HIVEP3: variants seen among roughly 807,000 people sequenced by gnomAD.
HIVEP3 encodes the protein HIVEP zinc finger 3, also known as transcription factor HIVEP3.
A neutral mutation model predicts 152.8 loss-of-function variants in HIVEP3; 49 were observed. That is an observed-to-expected ratio of 0.32 (90% CI 0.26 to 0.41). HIVEP3 has a LOEUF of 0.41. Among genes scored for constraint, HIVEP3 ranks in the 10% least tolerant of loss-of-function variants. HIVEP3 has a pLI of 1.00. For missense variants in HIVEP3, 2,790 were observed against 3,103.3 expected, an observed-to-expected ratio of 0.90 and a Z score of 2.40; for synonymous variants, 1,269 against 1,289.0, an observed-to-expected ratio of 0.98 and a Z score of 0.33.
intron 1 of HIVEP3, among the ~76,000 whole-genome samples, chr1:42,000,192 C>T (rs2124523187): frequency 6.6e-6 from 1 of 152,280 alleles, no homozygotes; most frequent in East Asian, 1.9e-4. Flanking sequence ...TCTTTCCTAC[C>T]ATAGATACTC....
intron 1 of HIVEP3, among the ~76,000 whole-genome samples, chr1:41,725,301 C>T (rs146259829): frequency 6.6e-6 from 1 of 152,328 alleles, no homozygotes; most frequent in Non-Finnish European, 1.5e-5. Context: ...TCTCCTCACT[C>T]CTGCCACAAG....
At chr1:41,665,605 G>A (rs1222198838) in intron 2 of HIVEP3, among the ~76,000 whole-genome samples, 1 of 149,964 alleles carries the variant, frequency 6.7e-6, no homozygotes, top group East Asian at 1.9e-4. Context: ...ATACAAGATG[G>A]AAAGATAAGA....
intron 1 of HIVEP3, among the ~76,000 whole-genome samples, chr1:41,957,190 A>G (rs1303553188): frequency 1.3e-5 from 2 of 151,260 alleles, no homozygotes; most frequent in East Asian, 3.9e-4. Context: ...AACAAAAGTT[A>G]AAAGAACTGT....
At chr1:41,777,331 G>A (rs924236200) in intron 1 of HIVEP3, among the ~76,000 whole-genome samples, 8 of 152,290 alleles carry the variant, frequency 5.3e-5, no homozygotes, top group East Asian at 3.9e-4. Context: ...CAGCTGTTCC[G>A]GCCACGCAGC....
intron 1 of HIVEP3, among the ~76,000 whole-genome samples, chr1:41,827,221 A>G (rs1190376466): frequency 6.6e-6 from 1 of 152,204 alleles, no homozygotes; most frequent in Non-Finnish European, 1.5e-5. Context: ...GTTCCACCAC[A>G]AATCTCCATT....
chr1:41,978,819 T>C (rs2124508765), intron 1 of HIVEP3, among the ~76,000 whole-genome samples: 1 of 152,144 alleles, frequency 6.6e-6, no homozygotes, highest in East Asian at 1.9e-4. Context: ...TGGGGACAAG[T>C]AGAGTTTGAA....
At chr1:41,659,449 A>G (rs1225234036) in intron 2 of HIVEP3, among the ~76,000 whole-genome samples, 1 of 152,218 alleles carries the variant, frequency 6.6e-6, no homozygotes, top group East Asian at 1.9e-4. Flanking sequence ...AGAAGGGATT[A>G]AACAGTTTTC....
At position 41,867,794 on chromosome 1, in the gene HIVEP3, G is replaced by A. The variant is rs536983353; in HGVS notation, c.-801+50619C>T. On this transcript the variant is annotated intron_variant, in intron 1 of 8. Coordinates refer to ENST00000372583, the MANE Select transcript of HIVEP3 (RefSeq NM_024503.5). ...GCCTCCTGTGTAGGTTCAGGGCAGG[G>A]AGACCAAGGTAAATCCTGTCAGTTC... Among the ~76,000 whole-genome samples, 6 of 152,240 alleles carry A rather than the reference G, an allele frequency of 3.9e-5. No individual in the cohort carries two copies. In the South Asian group the frequency reaches 1.2e-3, roughly 32 times the overall value.
chr1:41,785,108 C>G (rs894717834), intron 1 of HIVEP3, among the ~76,000 whole-genome samples: 1 of 152,190 alleles, frequency 6.6e-6, no homozygotes, highest in African/African-American at 2.4e-5. Flanking sequence ...AGAAGCTGCT[C>G]AAATCACTCT....
chr1:41,719,915 A>G, intron 1 of HIVEP3, among the ~76,000 whole-genome samples: 1 of 152,208 alleles, frequency 6.6e-6, no homozygotes, highest in East Asian at 1.9e-4. Context: ...CCTGGCTCCT[A>G]TGTCCTTTCC....
At chr1:41,816,636 A>G (rs1056055574) in intron 1 of HIVEP3, among the ~76,000 whole-genome samples, 5 of 152,180 alleles carry the variant, frequency 3.3e-5, no homozygotes, top group African/African-American at 1.2e-4. Context: ...CTGAGATCCC[A>G]CCACTGCACT....
chr1:41,844,900 G>GGGAGGCCAGCCAGGGGC (rs1643393030), intron 1 of HIVEP3, among the ~76,000 whole-genome samples: 1 of 152,228 alleles, frequency 6.6e-6, no homozygotes, highest in African/African-American at 2.4e-5. Flanking sequence ...TGGGTCCTGA[G>GGGAGGCCAGCCAGGGGC]GGAGGCCAGC....
chr1:41,691,854 T>C (rs1272746235), intron 2 of HIVEP3, among the ~76,000 whole-genome samples: 1 of 151,698 alleles, frequency 6.6e-6, no homozygotes, highest in Non-Finnish European at 1.5e-5. Flanking sequence ...CTTACATTCA[T>C]AGTCACTTGT....
At chr1:41,719,727 AAG>A (rs1407831401) in intron 1 of HIVEP3, among the ~76,000 whole-genome samples, 1 of 152,212 alleles carries the variant, frequency 6.6e-6, no homozygotes, top group Non-Finnish European at 1.5e-5. Flanking sequence ...CAGGCTCCAG[AAG>A]GAGACACACA....
At chr1:41,999,499 AG>A (rs1175345809) in intron 1 of HIVEP3, among the ~76,000 whole-genome samples, 1 of 152,226 alleles carries the variant, frequency 6.6e-6, no homozygotes, top group African/African-American at 2.4e-5. Context: ...TGGGCATTCA[AG>A]TCAGTGCCAT....
At position 41,518,361 on chromosome 1, in the gene HIVEP3, G is replaced by C. The variant is rs112951169; in HGVS notation, c.5470+41C>G. The C allele has an allele frequency of 7.1e-6, 11 of 1,541,384 alleles. No individual in the cohort carries two copies. In the South Asian group the frequency reaches 1.2e-4, roughly 17 times the overall value. ...AAAGGTGGAGGAGGATAGGGAAAGC[G>C]GACAAGGGGAAAGGGGACGGAGAAG... On this transcript the variant is annotated intron_variant, in intron 7 of 8. Transcript: ENST00000372583.
rs759650630 is a variant in HIVEP3, at chr1:41,584,812, C to G, written c.-15G>C. 6 of 1,495,844 alleles carry G rather than the reference C, an allele frequency of 4.0e-6. No individual in the cohort carries two copies. The Admixed American group carries it at 1.4e-4, about 35-fold the overall frequency. The allele number at this position is 1,495,844 out of a possible 1,614,324, so 92.7% of individuals were successfully genotyped here. On this transcript the variant is annotated 5_prime_UTR_variant, in exon 4 of 9. Coordinates refer to ENST00000372583, the MANE Select transcript of HIVEP3 (RefSeq NM_024503.5). The surrounding 1 kb of genome is among the most constrained non-coding windows in gnomAD (Gnocchi z 5.2). ...TCAGGATCCATGACCTTCACAAAGA[C>G]TTCAGATGCTATTCAGGGAGAGTCA...
At chr1:41,842,158 A>G (rs1182682178) in intron 1 of HIVEP3, among the ~76,000 whole-genome samples, 1 of 152,168 alleles carries the variant, frequency 6.6e-6, no homozygotes, top group Non-Finnish European at 1.5e-5. Context: ...GCACTCAATA[A>G]TAACAGCAAT....
At chr1:41,910,154 T>C (rs1231991109) in intron 1 of HIVEP3, among the ~76,000 whole-genome samples, 1 of 151,930 alleles carries the variant, frequency 6.6e-6, no homozygotes, top group Admixed American at 6.5e-5. Context: ...GGATTAGAGA[T>C]AGTCTCTAAT....
Sources: gnomAD v4.1 joint callset for allele counts (sites outside exome capture counted in the v4.1 genomes callset) on GRCh38, gnomAD v4.1.1 for gene constraint, Gnocchi (gnomAD v3.1) non-coding constraint, MANE v1.5 for transcripts, NCBI Gene and HGNC (gene_info 2026-07-23, HGNC 2026-07-21) for gene names.